Variants in WDR82 observed in about 807,000 individuals in gnomAD.
WDR82 encodes the protein WD repeat-containing protein 82.
WDR82 carries 8 observed loss-of-function variants against 36.1 expected under a neutral mutation model. That is an observed-to-expected ratio of 0.22 (90% CI 0.13 to 0.40). The LOEUF (loss-of-function observed/expected upper bound fraction) is 0.40. Ranked by LOEUF, WDR82 falls within the 10% of genes least tolerant of loss-of-function variation. The pLI is 1.00. For synonymous variants in WDR82, 129 were observed against 137.8 expected (o/e 0.94, Z 0.45); for missense variants, 185 against 400.5 (o/e 0.46, Z 4.59).
intron 3 of WDR82, among the ~76,000 whole-genome samples, chr3:52,264,661 A>G (rs1700089580): frequency 6.6e-6 from 1 of 152,158 alleles, no homozygotes; most frequent in African/African-American, 2.4e-5. Flanking sequence ...TAGGCAACAA[A>G]GGAAAGGCCA....
In WDR82 at chr3:52,256,342, T is replaced by G. The variant is rs1351185188; in HGVS notation, c.*1148A>C. 6.5e-6 allele frequency: 1 copy of G among 153,814 alleles called. No homozygotes were observed. The highest frequency in any genetic ancestry group is 1.5e-5 in the Non-Finnish European group (1 of 68,060). 9.5% of individuals were successfully genotyped at this position (153,814 alleles called of 1,614,324 possible). A position where few individuals can be genotyped will look rare whatever the true frequency, so the allele number is the denominator to read the frequency against. Reference sequence around the variant, plus strand: ...ACTCTTGGAAACTACAGATGAGAGATATATGCATACGCACACACATATATG... The same window carrying G: ...ACTCTTGGAAACTACAGATGAGAGAGATATGCATACGCACACACATATATG... On this transcript the variant is annotated 3_prime_UTR_variant, in exon 9 of 9. Coordinates refer to ENST00000296490, the MANE Select transcript of WDR82 (RefSeq NM_025222.4).
chr3:52,267,126 C>T (rs1359334840), intron 2 of WDR82, 108 bp from the exon 3 acceptor site: 3 of 832,248 alleles, frequency 3.6e-6, no homozygotes, highest in African/African-American at 1.7e-5. Flanking sequence ...TATTCTATAT[C>T]CCAAGCAAGG....
At chr3:52,270,836 C>A in intron 1 of WDR82, 27 bp from the exon 2 acceptor site, 1 of 1,516,198 alleles carries the variant, frequency 6.6e-7, no homozygotes, top group Non-Finnish European at 9.0e-7. Context: ...GACAGAAAAT[C>A]ATGAACATTC....
At chr3:52,258,984 A>G (rs1214682698) in intron 7 of WDR82, among the ~76,000 whole-genome samples, 6 of 152,252 alleles carry the variant, frequency 3.9e-5, no homozygotes, top group Non-Finnish European at 7.3e-5. Context: ...ACACCAGGAC[A>G]TTAGCATTAC....
chr3:52,258,632 T>A lies in WDR82; in HGVS notation c.816A>T (p.Ile272=), dbSNP rs1303981915. ...KIHVWNGESG[I]KVAVLDGKHT... Reference sequence around the variant, plus strand: ...GTTTACCATCCAACACAGCTACTTTTATACCGCTCTCTCCATTCCAGACAT... The same window carrying A: ...GTTTACCATCCAACACAGCTACTTTAATACCGCTCTCTCCATTCCAGACAT... Residue 272 remains isoleucine (I), a synonymous_variant, in exon 8 of 9, where the codon ATA becomes ATT. Coordinates refer to ENST00000296490, the MANE Select transcript of WDR82 (RefSeq NM_025222.4). 1 of 1,614,252 alleles carries A rather than the reference T, an allele frequency of 6.2e-7. No homozygotes were observed. Among genetic ancestry groups the A allele is most frequent in the Admixed American group, 1.7e-5 (1 of 60,030 alleles).
chr3:52,272,027 T>A (rs1164320892), intron 1 of WDR82, among the ~76,000 whole-genome samples: 1 of 151,640 alleles, frequency 6.6e-6, no homozygotes, highest in Admixed American at 6.6e-5. Context: ...GAGGCAGAGG[T>A]TGCAGTAAGC....
intron 3 of WDR82, among the ~76,000 whole-genome samples, chr3:52,265,566 CTTTT>C (rs959125432): frequency 5.8e-5 from 7 of 120,748 alleles, no homozygotes; most frequent in African/African-American, 1.3e-4. Flanking sequence ...GGAAGTGCAA[CTTTT>C]TTTTTTTTTT....
intron 1 of WDR82, among the ~76,000 whole-genome samples, chr3:52,275,051 G>C (rs1399385702): frequency 6.6e-6 from 1 of 151,836 alleles, no homozygotes. Context: ...GAGAAATCCC[G>C]CATCTACTAA....
At chr3:52,268,032 T>A (rs1356702618) in intron 2 of WDR82, 1 of 224,108 alleles carries the variant, frequency 4.5e-6, no homozygotes, top group African/African-American at 2.2e-5. Context: ...GGCATTTAAC[T>A]TGGGAGGGGG....
chr3:52,272,141 T>C (rs193166842), intron 1 of WDR82, among the ~76,000 whole-genome samples: 2 of 152,298 alleles, frequency 1.3e-5, no homozygotes, highest in Admixed American at 6.5e-5. Flanking sequence ...TCAATCTCCA[T>C]TTGTTGAAGT....
chr3:52,265,783 C>T (rs1174019537), intron 3 of WDR82, among the ~76,000 whole-genome samples: 1 of 152,012 alleles, frequency 6.6e-6, no homozygotes, highest in Non-Finnish European at 1.5e-5. Flanking sequence ...ACCATGTTGC[C>T]TAGCCTGGTT....
At position 52,258,684 on chromosome 3, in the gene WDR82, G is replaced by C. The variant is rs755399428; in HGVS notation, c.770-6C>G. On this transcript the variant is annotated splice_region_variant and splice_polypyrimidine_tract_variant and intron_variant, in intron 7 of 8. Transcript: ENST00000296490. Reference sequence around the variant, plus strand: ...GATCTTGCCATCCTCTGAACCTAAAGAGGATATTCACGGAAAATGTAACAG... The same window carrying C: ...GATCTTGCCATCCTCTGAACCTAAACAGGATATTCACGGAAAATGTAACAG... 4 of 1,614,202 alleles carry C rather than the reference G, an allele frequency of 2.5e-6. No individual in the cohort carries two copies. The highest frequency in any genetic ancestry group is 3.4e-6 in the Non-Finnish European group (4 of 1,180,046).
chr3:52,259,348 G>T, intron 6 of WDR82, 82 bp from the exon 7 acceptor site: 1 of 1,311,984 alleles, frequency 7.6e-7, no homozygotes, highest in Non-Finnish European at 1.1e-6. Context: ...CTCAGCACAT[G>T]CATCACCTTC....
At chr3:52,267,791 T>G (rs369009731) in intron 2 of WDR82, 18 of 152,516 alleles carry the variant, frequency 1.2e-4, no homozygotes, top group African/African-American at 4.3e-4. Context: ...ATGGTGGCGG[T>G]AGAGAAATGA....
At chr3:52,261,737 C>A (rs1192302508) in intron 3 of WDR82, among the ~76,000 whole-genome samples, 2 of 152,104 alleles carry the variant, frequency 1.3e-5, no homozygotes, top group African/African-American at 4.8e-5. Flanking sequence ...AAATACTACT[C>A]CACACCCTCT....
At chr3:52,266,028 TAACATTCAAAGA>T (rs1700102993) in intron 3 of WDR82, among the ~76,000 whole-genome samples, 2 of 152,168 alleles carry the variant, frequency 1.3e-5, no homozygotes, top group Non-Finnish European at 2.9e-5. Context: ...AAAACGTGTT[TAACATTCAAAGA>T]AAAGTTGAAA....
chr3:52,267,329 C>T (rs1270723082), intron 2 of WDR82: 1 of 270,180 alleles, frequency 3.7e-6, no homozygotes, highest in African/African-American at 2.3e-5. Flanking sequence ...GGTCAAAAAA[C>T]AAAAACAAGT....
At chr3:52,269,760 TAAAC>T (rs576629293) in intron 2 of WDR82, among the ~76,000 whole-genome samples, 67 of 151,716 alleles carry the variant, frequency 4.4e-4, no homozygotes, top group African/African-American at 1.5e-3. Context: ...CAAAAGAAAA[TAAAC>T]AAAATTAAAA....
At chr3:52,271,373 T>C (rs761749886) in intron 1 of WDR82, among the ~76,000 whole-genome samples, 1 of 152,184 alleles carries the variant, frequency 6.6e-6, no homozygotes, top group African/African-American at 2.4e-5. Flanking sequence ...GTGTGCAGAT[T>C]ATACCGTCAG....
Sources: allele counts gnomAD v4.1 joint callset (sites outside exome capture counted in the v4.1 genomes callset), GRCh38; gene constraint gnomAD v4.1.1; transcripts MANE v1.5; gene names NCBI Gene and HGNC (gene_info 2026-07-23, HGNC 2026-07-21).